Variants in DLGAP1 observed in about 807,000 individuals in gnomAD.
DLGAP1 encodes DLG associated protein 1, also known as disks large-associated protein 1.
DLGAP1 carries 11 observed loss-of-function variants against 90.8 expected under a neutral mutation model. The ratio of observed to expected loss-of-function variants is 0.12; its 90% CI spans 0.08 to 0.20. The LOEUF (loss-of-function observed/expected upper bound fraction) is 0.20, where lower values mean the gene tolerates loss of function less well. DLGAP1 is among the 10% of genes least tolerant of loss of function. The probability of loss-of-function intolerance (pLI) is 1.00; values close to 1 mark genes in which losing one functional copy is unlikely to be tolerated. For missense variants in DLGAP1, 1,050 were observed against 1,333.8 expected (o/e 0.79, Z 3.31); for synonymous variants, 558 against 540.7 (o/e 1.03, Z -0.44).
chr18:3,664,559 C>A (rs1363986341), intron 7 of DLGAP1, among the ~76,000 whole-genome samples: 5 of 152,140 alleles, frequency 3.3e-5, no homozygotes, highest in Admixed American at 3.3e-4. Flanking sequence ...CCTTCTTGAT[C>A]CTTTGACTCT....
chr18:4,197,273 T>C (rs1193036977), intron 1 of DLGAP1, among the ~76,000 whole-genome samples: 1 of 129,924 alleles, frequency 7.7e-6, no homozygotes, highest in East Asian at 2.3e-4. Flanking sequence ...ACTATTCAAA[T>C]ATAGAAAAAA....
chr18:3,862,008 T>C (rs1477980920), intron 4 of DLGAP1, among the ~76,000 whole-genome samples: 1 of 152,236 alleles, frequency 6.6e-6, no homozygotes, highest in African/African-American at 2.4e-5. Context: ...TTGACACTTG[T>C]ACATCAATCA....
intron 3 of DLGAP1, among the ~76,000 whole-genome samples, chr18:3,927,857 GT>G (rs2072427428): frequency 6.6e-6 from 1 of 152,170 alleles, no homozygotes; most frequent in South Asian, 2.1e-4. Context: ...GAGCATGAAT[GT>G]TTTTTAAAAA....
chr18:3,829,963 T>C (rs908276116), intron 4 of DLGAP1, among the ~76,000 whole-genome samples: 3 of 152,104 alleles, frequency 2.0e-5, no homozygotes, highest in African/African-American at 7.2e-5. Context: ...GCAGTGCTTA[T>C]TGATATTCAG....
chr18:3,546,224 A>C (rs1027407479), intron 9 of DLGAP1, among the ~76,000 whole-genome samples: 3 of 152,044 alleles, frequency 2.0e-5, no homozygotes, highest in Admixed American at 6.6e-5. Context: ...GGAGTTTGAG[A>C]CCAGTCTGGG....
chr18:4,383,364 T>G lies in DLGAP1; in HGVS notation c.-267+71642A>C, dbSNP rs1045848619. ...AATATTTAGTACATTAATGGGATTT[T>G]CATGGTTTTCATTAGCATTCATTTT... On this transcript the variant is annotated intron_variant, in intron 1 of 12. Transcript: ENST00000315677. The surrounding 1 kb of genome is among the most constrained non-coding windows in gnomAD (Gnocchi z 4.0). 2.6e-5 allele frequency among the ~76,000 whole-genome samples: 4 copies of G among 152,208 alleles called. No individual in the cohort carries two copies. Among genetic ancestry groups the G allele is most frequent in the Admixed American group, 1.3e-4 (2 of 15,274 alleles).
At chr18:4,412,742 C>G (rs527462998) in intron 1 of DLGAP1, among the ~76,000 whole-genome samples, 1 of 152,026 alleles carries the variant, frequency 6.6e-6, no homozygotes, top group South Asian at 2.1e-4. Context: ...GCAAGGCCAA[C>G]AACAGAAAAA....
chr18:4,083,340 T>G (rs180770948), intron 2 of DLGAP1, among the ~76,000 whole-genome samples: 1 of 152,358 alleles, frequency 6.6e-6, no homozygotes, highest in African/African-American at 2.4e-5. Context: ...CATTCTCATC[T>G]TCCTCTTTCT....
At chr18:3,559,172 A>G (rs151252583) in intron 9 of DLGAP1, among the ~76,000 whole-genome samples, 1 of 152,356 alleles carries the variant, frequency 6.6e-6, no homozygotes, top group African/African-American at 2.4e-5. Context: ...TGATGAATCC[A>G]ATTTTTCTGA....
intron 1 of DLGAP1, among the ~76,000 whole-genome samples, chr18:4,333,671 G>A (rs1168356306): frequency 6.7e-6 from 1 of 148,564 alleles, no homozygotes; most frequent in Non-Finnish European, 1.5e-5. Flanking sequence ...CTAGGCTGGA[G>A]TGCAGTGGTG....
At chr18:3,679,954 G>T (rs147022704) in intron 7 of DLGAP1, 321 of 151,622 alleles carry the variant, frequency 2.1e-3, no homozygotes, top group African/African-American at 7.4e-3. Context: ...CCAAAGTGTT[G>T]GGATTACAGA....
intron 1 of DLGAP1, among the ~76,000 whole-genome samples, chr18:4,396,322 A>G (rs1443654832): frequency 6.6e-6 from 1 of 152,196 alleles, no homozygotes; most frequent in African/African-American, 2.4e-5. Flanking sequence ...CCACCAGGAA[A>G]TCCAGCATAG....
intron 9 of DLGAP1, among the ~76,000 whole-genome samples, chr18:3,544,372 A>C (rs775163806): frequency 2.6e-4 from 40 of 152,246 alleles, no homozygotes; most frequent in Non-Finnish European, 5.3e-4. Context: ...TGGGCGAAAA[A>C]GCGAGACTCC....
intron 1 of DLGAP1, among the ~76,000 whole-genome samples, chr18:4,415,509 A>C (rs1306444292): frequency 1.3e-5 from 2 of 152,226 alleles, no homozygotes; most frequent in African/African-American, 4.8e-5. Flanking sequence ...TCATTAGAAC[A>C]TAATTCCTCA....
At chr18:4,001,424 C>T (rs2074182812) in intron 3 of DLGAP1, among the ~76,000 whole-genome samples, 3 of 151,976 alleles carry the variant, frequency 2.0e-5, no homozygotes. Context: ...TCTGCGGAGA[C>T]ATTACATTCC....
At chr18:3,974,790 A>G (rs1372628) in intron 3 of DLGAP1, among the ~76,000 whole-genome samples, 59,951 of 152,040 alleles carry the variant, frequency 0.39, 12,036 homozygotes, top group Non-Finnish European at 0.42. Context: ...TTTACAATTT[A>G]TAAATAAAAA....
At position 4,084,606 on chromosome 18, in the gene DLGAP1, C is replaced by A. The variant is rs931857806; in HGVS notation, c.-159+66574G>T. On this transcript the variant is annotated intron_variant, in intron 2 of 12. Transcript: ENST00000315677. This position sits in a 1 kb window ranked among gnomAD's most constrained non-coding sequence, Gnocchi z 4.0. ...ACACAGAAGAATCTGCACAAACAGGCCTTGCTCAGTTCCCTCCAGTTTATT... is the reference window on the plus strand; with the variant it reads ...ACACAGAAGAATCTGCACAAACAGGACTTGCTCAGTTCCCTCCAGTTTATT... Among the ~76,000 whole-genome samples, 1 of 152,118 alleles carries A rather than the reference C, an allele frequency of 6.6e-6. No individual in the cohort carries two copies. Among genetic ancestry groups the A allele is most frequent in the Admixed American group, 6.5e-5 (1 of 15,270 alleles).
At position 3,924,225 on chromosome 18, in the gene DLGAP1, T is replaced by G. The variant is rs538327282; in HGVS notation, c.-72-44085A>C. On this transcript the variant is annotated intron_variant, in intron 3 of 12. Coordinates refer to ENST00000315677, the MANE Select transcript of DLGAP1 (RefSeq NM_004746.4). Reference sequence around the variant, plus strand: ...TCACTGCTGCCCCAGTGGAAAGAAGTGAAAAGCCCATTTATCATCTTGCAT... The same window carrying G: ...TCACTGCTGCCCCAGTGGAAAGAAGGGAAAAGCCCATTTATCATCTTGCAT... 2.6e-5 allele frequency among the ~76,000 whole-genome samples: 4 copies of G among 152,324 alleles called. No homozygotes were observed. In the East Asian group the frequency reaches 7.7e-4, roughly 29 times the overall value.
chr18:3,714,783 T>C (rs1020524104), intron 7 of DLGAP1, among the ~76,000 whole-genome samples: 6 of 151,764 alleles, frequency 4.0e-5, no homozygotes, highest in Non-Finnish European at 1.5e-5. Context: ...TATAGGCACG[T>C]GCCACCACGC....
Sources: allele counts gnomAD v4.1 joint callset (sites outside exome capture counted in the v4.1 genomes callset), GRCh38; gene constraint gnomAD v4.1.1; non-coding constraint Gnocchi (gnomAD v3.1); transcripts MANE v1.5; gene names NCBI Gene and HGNC (gene_info 2026-07-23, HGNC 2026-07-21).